The following RERG variants were observed in gnomAD, a reference collection of about 807,000 sequenced individuals.
The protein encoded by RERG is ras-related and estrogen-regulated growth inhibitor.
A neutral mutation model predicts 23.2 loss-of-function variants in RERG; 25 were observed. The ratio of observed to expected loss-of-function variants is 1.08; its 90% CI spans 0.79 to 1.50. The LOEUF is 1.50. RERG is among the 40% of genes most tolerant of loss of function. The pLI is 0.00. For synonymous variants in RERG, 81 were observed against 89.1 expected (o/e 0.91, Z 0.51); for missense variants, 253 against 250.1 (o/e 1.01, Z -0.08).
In RERG at chr12:15,109,151, T is replaced by G. The variant is rs1243972391; in HGVS notation, c.559A>C (p.Lys187Gln). 2 of 1,603,980 alleles carry G rather than the reference T, an allele frequency of 1.2e-6. No homozygotes were observed. The highest frequency in any genetic ancestry group is 1.7e-6 in the Non-Finnish European group (2 of 1,175,856). The change falls in exon 5 of 5, where the codon AAG becomes CAG. Residue 187 changes from lysine to glutamine, a missense_variant. Physicochemically the swap from Lys to Gln is moderately conservative, Grantham distance 53. Transcript: ENST00000256953. Reference sequence around the variant, plus strand: ...GTGAGCATCTTGTTAATGGCTTGCTTGACATGCGTGGTGGAGCTGCGTCGC... The same window carrying G: ...GTGAGCATCTTGTTAATGGCTTGCTGGACATGCGTGGTGGAGCTGCGTCGC... ...TRRRSSTTHV[K>Q]QAINKMLTKI...
rs976256361 is a variant in RERG, at chr12:15,201,669, A to G, written c.61+15760T>C. Among the ~76,000 whole-genome samples the G allele has an allele frequency of 4.0e-5, 6 of 149,408 alleles. No homozygotes were observed. The South Asian group carries it at 1.0e-3, about 26-fold the overall frequency. On this transcript the variant is annotated intron_variant, in intron 2 of 4. Transcript: ENST00000256953. ...TATAGTAATAATTATTAGTAATAATAGTAATTAACAATCATAATAATTAGC... is the reference window on the plus strand; with the variant it reads ...TATAGTAATAATTATTAGTAATAATGGTAATTAACAATCATAATAATTAGC...
intron 2 of RERG, among the ~76,000 whole-genome samples, chr12:15,185,515 A>C (rs187012041): frequency 1.3e-5 from 2 of 152,280 alleles, no homozygotes; most frequent in East Asian, 3.9e-4. Flanking sequence ...CACCTCAGTT[A>C]GTGTCAAGAA....
intron 2 of RERG, among the ~76,000 whole-genome samples, chr12:15,136,283 T>C (rs567050450): frequency 6.6e-6 from 1 of 152,156 alleles, no homozygotes; most frequent in Admixed American, 6.5e-5. Context: ...GTAATTTGCA[T>C]CTTCTTTTTC....
At chr12:15,206,332 T>A (rs2136144475) in intron 2 of RERG, among the ~76,000 whole-genome samples, 1 of 152,180 alleles carries the variant, frequency 6.6e-6, no homozygotes, top group East Asian at 1.9e-4. Flanking sequence ...AAATGTTAAC[T>A]CCATAAAGGC....
At position 15,109,094 on chromosome 12, in the gene RERG, A is replaced by G. The variant is rs763282493; in HGVS notation, c.*16T>C. The G allele has an allele frequency of 1.2e-5, 18 of 1,545,122 alleles. No individual in the cohort carries two copies. In the South Asian group the frequency reaches 2.1e-4, roughly 18 times the overall value. ...AAGAGTGTTTCCAATTAGTTGGTCCACCTCAGCTGGGCTGCCTAACTACTG... is the reference window on the plus strand; with the variant it reads ...AAGAGTGTTTCCAATTAGTTGGTCCGCCTCAGCTGGGCTGCCTAACTACTG... On this transcript the variant is annotated 3_prime_UTR_variant, in exon 5 of 5. Transcript: ENST00000256953.
chr12:15,214,568 A>C (rs1041323879), intron 2 of RERG, among the ~76,000 whole-genome samples: 2 of 152,232 alleles, frequency 1.3e-5, no homozygotes, highest in African/African-American at 4.8e-5. Flanking sequence ...AGACTGATAA[A>C]GTCTCTGCAG....
intron 2 of RERG, among the ~76,000 whole-genome samples, chr12:15,126,158 T>TATATATATATATATAC (rs1222298898): frequency 1.4e-5 from 2 of 143,192 alleles, no homozygotes; most frequent in African/African-American, 5.1e-5. Flanking sequence ...TATATGTATT[T>TATATATATATATATAC]ACACACATAC....
chr12:15,108,043 A>C lies in RERG; in HGVS notation c.*1067T>G, dbSNP rs988118482. Reference sequence around the variant, plus strand: ...TTTATCAGTTGTAGACTGTACTTTCAGAATACAAGAGTCTGTTTTAGACAC... The same window carrying C: ...TTTATCAGTTGTAGACTGTACTTTCCGAATACAAGAGTCTGTTTTAGACAC... On this transcript the variant is annotated 3_prime_UTR_variant, in exon 5 of 5. Coordinates refer to ENST00000256953, the MANE Select transcript of RERG (RefSeq NM_032918.3). 2 of 152,574 alleles carry C rather than the reference A, an allele frequency of 1.3e-5. No homozygotes were observed. The highest frequency in any genetic ancestry group is 4.8e-5 in the African/African-American group (2 of 41,412). The allele number at this position is 152,574 out of a possible 1,614,324, so 9.5% of individuals were successfully genotyped here.
At chr12:15,212,042 C>CTTTTTTTTTTTTTTTTTTTTTT (rs772353150) in intron 2 of RERG, among the ~76,000 whole-genome samples, 10 of 64,716 alleles carry the variant, frequency 1.5e-4, no homozygotes, top group Non-Finnish European at 2.7e-4. Context: ...CACGAATAAA[C>CTTTTTTTTTTTTTTTTTTTTTT]TTTTTTTTTT....
In RERG at chr12:15,203,317, G is replaced by C. The variant is rs80185330; in HGVS notation, c.61+14112C>G. Among the ~76,000 whole-genome samples, 958 of 151,606 alleles carry C rather than the reference G, an allele frequency of 6.3e-3. 7 individuals are homozygous for C. Among genetic ancestry groups the C allele is most frequent in the African/African-American group, 0.022 (894 of 41,450 alleles). ...TTTTCTTTGCTGAAGAAGCTTTTGAGTTTGATGTAGTCCCACTTGTCTATT... is the reference window on the plus strand; with the variant it reads ...TTTTCTTTGCTGAAGAAGCTTTTGACTTTGATGTAGTCCCACTTGTCTATT... On this transcript the variant is annotated intron_variant, in intron 2 of 4. Coordinates refer to ENST00000256953, the MANE Select transcript of RERG (RefSeq NM_032918.3).
intron 2 of RERG, among the ~76,000 whole-genome samples, chr12:15,181,137 A>G (rs1864917898): frequency 6.6e-6 from 1 of 152,178 alleles, no homozygotes. Context: ...AGCACAGCAC[A>G]TAACATTGCA....
intron 2 of RERG, among the ~76,000 whole-genome samples, chr12:15,121,506 A>G (rs1863831344): frequency 6.6e-6 from 1 of 152,366 alleles, no homozygotes; most frequent in South Asian, 2.1e-4. Flanking sequence ...GGATTGGCAA[A>G]GGCAAGTTTG....
intron 2 of RERG, among the ~76,000 whole-genome samples, chr12:15,161,822 ACTGTT>A (rs1864619859): frequency 6.6e-6 from 1 of 152,200 alleles, no homozygotes; most frequent in Non-Finnish European, 1.5e-5. Flanking sequence ...TGTGCCAAGC[ACTGTT>A]CTAAGTATTT....
At chr12:15,204,694 T>C (rs1215402196) in intron 2 of RERG, among the ~76,000 whole-genome samples, 1 of 151,936 alleles carries the variant, frequency 6.6e-6, no homozygotes, top group Admixed American at 6.6e-5. Context: ...CTGATTTCTG[T>C]TCTTCCCATT....
intron 2 of RERG, among the ~76,000 whole-genome samples, chr12:15,142,707 G>A (rs140444623): frequency 6.6e-6 from 1 of 152,022 alleles, no homozygotes; most frequent in African/African-American, 2.4e-5. Flanking sequence ...AGAGAGAGGG[G>A]GGGTAGGAGA....
At chr12:15,195,985 C>G (rs1865138571) in intron 2 of RERG, among the ~76,000 whole-genome samples, 1 of 152,138 alleles carries the variant, frequency 6.6e-6, no homozygotes, top group South Asian at 2.1e-4. Context: ...CAGCATAATG[C>G]TCAATGGTTT....
At chr12:15,110,463 C>CTTTCTTTTTTTTTT (rs1863586835) in intron 4 of RERG, among the ~76,000 whole-genome samples, 2 of 73,086 alleles carry the variant, frequency 2.7e-5, no homozygotes, top group Non-Finnish European at 4.9e-5. Flanking sequence ...CCATTTTTTT[C>CTTTCTTTTTTTTTT]TTTTTTTTTT....
At chr12:15,177,835 G>GT (rs1488006680) in intron 2 of RERG, among the ~76,000 whole-genome samples, 2,140 of 99,216 alleles carry the variant, frequency 0.022, 68 homozygotes, top group African/African-American at 0.074. Context: ...GGCTCCCTCT[G>GT]TTTGTTTTTT....
At chr12:15,200,439 T>C (rs1293300438) in intron 2 of RERG, among the ~76,000 whole-genome samples, 1 of 152,088 alleles carries the variant, frequency 6.6e-6, no homozygotes, top group Admixed American at 6.6e-5. Context: ...TAAATGACAG[T>C]GGTCTTTTGC....
Sources: gnomAD v4.1 joint callset for allele counts (sites outside exome capture counted in the v4.1 genomes callset) on GRCh38, gnomAD v4.1.1 for gene constraint, MANE v1.5 for transcripts, NCBI Gene and HGNC (gene_info 2026-07-23, HGNC 2026-07-21) for gene names.